Variants in KLHL1 observed in about 807,000 individuals in gnomAD.
The protein encoded by KLHL1 is kelch-like protein 1.
In KLHL1, 47 loss-of-function variants were observed where a neutral mutation model predicts 77.7. The ratio of observed to expected loss-of-function variants is 0.60; its 90% CI spans 0.48 to 0.77. KLHL1 has a LOEUF of 0.77. Ranked by LOEUF, KLHL1 falls within the 30% of genes least tolerant of loss-of-function variation. The probability of loss-of-function intolerance (pLI) is 0.00; values close to 1 mark genes in which losing one functional copy is unlikely to be tolerated. For synonymous variants in KLHL1, 360 were observed against 325.2 expected (o/e 1.11, Z -1.15); for missense variants, 925 against 910.8 (o/e 1.02, Z -0.20).
At chr13:69,998,891 A>G (rs1885219897) in intron 1 of KLHL1, among the ~76,000 whole-genome samples, 1 of 151,710 alleles carries the variant, frequency 6.6e-6, no homozygotes, top group African/African-American at 2.4e-5. Context: ...AGAGCTGAGG[A>G]CTCTGGCTTC....
At chr13:70,075,588 T>TATATATATATATATATACAC (rs1221350719) in intron 1 of KLHL1, among the ~76,000 whole-genome samples, 1 of 122,008 alleles carries the variant, frequency 8.2e-6, no homozygotes, top group African/African-American at 3.1e-5. Context: ...TATATATATA[T>TATATATATATATATATACAC]ACACACACAC....
At chr13:69,882,517 G>A (rs756193397) in intron 4 of KLHL1, 22 bp from the exon 5 acceptor site, 2 of 1,542,634 alleles carry the variant, frequency 1.3e-6, no homozygotes, top group Non-Finnish European at 9.0e-7. Flanking sequence ...AAATATCTTG[G>A]CATAAATTCT....
intron 5 of KLHL1, among the ~76,000 whole-genome samples, chr13:69,848,843 T>C (rs1015348096): frequency 6.6e-6 from 1 of 151,522 alleles, no homozygotes; most frequent in Non-Finnish European, 1.5e-5. Flanking sequence ...AATAATGACA[T>C]AATCAAAATA....
At chr13:70,029,875 C>A (rs1028875957) in intron 1 of KLHL1, among the ~76,000 whole-genome samples, 5 of 152,044 alleles carry the variant, frequency 3.3e-5, no homozygotes, top group South Asian at 2.1e-4. Context: ...CAGAGACACA[C>A]GTAGGCTCAA....
chr13:69,923,899 G>T (rs1184715247), intron 4 of KLHL1, among the ~76,000 whole-genome samples: 1 of 152,170 alleles, frequency 6.6e-6, no homozygotes, highest in East Asian at 1.9e-4. Flanking sequence ...CACTCTTGGG[G>T]GCCTGGGAAG....
intron 1 of KLHL1, among the ~76,000 whole-genome samples, chr13:70,035,494 T>C (rs1303340407): frequency 6.6e-6 from 1 of 151,408 alleles, no homozygotes; most frequent in Non-Finnish European, 1.5e-5. Flanking sequence ...AAAAAATAAA[T>C]AGAAAAAACA....
At chr13:69,926,677 G>T (rs886477301) in intron 4 of KLHL1, among the ~76,000 whole-genome samples, 1 of 151,942 alleles carries the variant, frequency 6.6e-6, no homozygotes, top group Non-Finnish European at 1.5e-5. Context: ...GCCGGGCGCG[G>T]TAGCTCAAGC....
chr13:69,805,386 C>CTACTTCTTGG (rs1243856785), intron 6 of KLHL1, among the ~76,000 whole-genome samples: 1 of 151,846 alleles, frequency 6.6e-6, no homozygotes, highest in African/African-American at 2.4e-5. Context: ...AAAAAGAAGT[C>CTACTTCTTGG]TACTTCTTGG....
At chr13:70,067,056 A>T (rs2137412654) in intron 1 of KLHL1, among the ~76,000 whole-genome samples, 1 of 152,298 alleles carries the variant, frequency 6.6e-6, no homozygotes, top group African/African-American at 2.4e-5. Flanking sequence ...AAGAGAACGA[A>T]GTCCTGTACT....
At chr13:69,997,719 C>T (rs922314267) in intron 1 of KLHL1, among the ~76,000 whole-genome samples, 1 of 146,638 alleles carries the variant, frequency 6.8e-6, no homozygotes, top group Non-Finnish European at 1.5e-5. Context: ...ATTACATAAA[C>T]ATATGTATTA....
At chr13:69,810,074 A>T (rs1877800762) in intron 6 of KLHL1, among the ~76,000 whole-genome samples, 1 of 152,130 alleles carries the variant, frequency 6.6e-6, no homozygotes, top group African/African-American at 2.4e-5. Context: ...AGACTTTGAC[A>T]GCCACAAAGT....
At chr13:69,937,250 T>C (rs932579926) in intron 4 of KLHL1, among the ~76,000 whole-genome samples, 1 of 152,214 alleles carries the variant, frequency 6.6e-6, no homozygotes, top group Non-Finnish European at 1.5e-5. Flanking sequence ...TTTGATATAA[T>C]ATTTAATTTG....
At chr13:69,875,704 G>C (rs541847703) in intron 5 of KLHL1, among the ~76,000 whole-genome samples, 1 of 151,974 alleles carries the variant, frequency 6.6e-6, no homozygotes, top group Non-Finnish European at 1.5e-5. Flanking sequence ...TAACTTGAAC[G>C]GTGAATGTCA....
intron 7 of KLHL1, among the ~76,000 whole-genome samples, chr13:69,748,552 A>C (rs1234830440): frequency 6.6e-6 from 1 of 151,964 alleles, no homozygotes; most frequent in Non-Finnish European, 1.5e-5. Flanking sequence ...GAATTATGGG[A>C]GTATAATTCA....
intron 5 of KLHL1, among the ~76,000 whole-genome samples, chr13:69,845,124 C>T (rs1235947780): frequency 1.3e-5 from 2 of 151,622 alleles, no homozygotes; most frequent in African/African-American, 2.4e-5. Flanking sequence ...CATTTTACCA[C>T]AGTGCAAAGG....
At chr13:69,911,974 A>C (rs1882254869) in intron 4 of KLHL1, among the ~76,000 whole-genome samples, 1 of 152,186 alleles carries the variant, frequency 6.6e-6, no homozygotes, top group Admixed American at 6.5e-5. Flanking sequence ...CTGAAGTATA[A>C]GTGGAAGTGT....
At position 69,707,735 on chromosome 13, in the gene KLHL1, C is replaced by G; in HGVS notation, c.2077G>C (p.Val693Leu). ...CTGTCACCAAGGAGACAGACCCCAACAGCATCTCTGGGCATACTCAAAGGA... is the reference window on the plus strand; with the variant it reads ...CTGTCACCAAGGAGACAGACCCCAAGAGCATCTCTGGGCATACTCAAAGGA... ...VAPLSMPRDA[V>L]GVCLLGDRLY... is the part of the protein sequence containing the mutation. The change falls in exon 10 of 11, where the codon GTT (valine) becomes CTT (leucine). Residue 693 changes from valine to leucine, a missense_variant. Transcript: ENST00000377844. 6.2e-7 allele frequency: 1 copy of G among 1,612,936 alleles called. No individual in the cohort carries two copies. Among genetic ancestry groups the G allele is most frequent in the African/African-American group, 1.3e-5 (1 of 74,966 alleles).
chr13:70,099,246 C>T (rs142228460), intron 1 of KLHL1, among the ~76,000 whole-genome samples: 86 of 151,866 alleles, frequency 5.7e-4, no homozygotes, highest in Admixed American at 9.9e-4. Context: ...TAAAAATTCA[C>T]TCATTCTCTT....
In KLHL1 at chr13:69,863,514, C is replaced by G. The variant is rs755724415; in HGVS notation, c.1227+18769G>C. Among the ~76,000 whole-genome samples, 5 of 151,566 alleles carry G rather than the reference C, an allele frequency of 3.3e-5. No individual in the cohort carries two copies. In the South Asian group the frequency reaches 1.0e-3, roughly 31 times the overall value. ...AAACATAAGAAATAAAAAAATTTTG[C>G]ATTTTTCATGATTGGTAAAACCTGG... On this transcript the variant is annotated intron_variant, in intron 5 of 10. Transcript: ENST00000377844.
Sources: gnomAD v4.1 joint callset for allele counts (sites outside exome capture counted in the v4.1 genomes callset) on GRCh38, gnomAD v4.1.1 for gene constraint, MANE v1.5 for transcripts, NCBI Gene and HGNC (gene_info 2026-07-23, HGNC 2026-07-21) for gene names.